Variants in BRWD1 observed in about 807,000 individuals in gnomAD.
BRWD1 encodes the protein bromodomain and WD repeat domain containing 1.
A neutral mutation model predicts 251.2 loss-of-function variants in BRWD1; 82 were observed. The observed-to-expected ratio is 0.33, with a 90% CI of 0.27 to 0.39. BRWD1 has a LOEUF of 0.39. Ranked by LOEUF, BRWD1 falls within the 10% of genes least tolerant of loss-of-function variation. The pLI is 1.00. For synonymous variants in BRWD1, 918 were observed against 902.8 expected (o/e 1.02, Z -0.30); for missense variants, 2,233 against 2,711.6 (o/e 0.82, Z 3.92).
In BRWD1 at chr21:39,215,225, G is replaced by T; in HGVS notation, c.3785+12C>A. ...GCAGTCACTTTTACACAACATCTAT[G>T]AAATTACTTACTTGATAAATTTTAA... On this transcript the variant is annotated intron_variant, in intron 32 of 40. Coordinates refer to ENST00000342449, the MANE Select transcript of BRWD1 (RefSeq NM_033656.4). 1 of 1,608,620 alleles carries T rather than the reference G, an allele frequency of 6.2e-7. No homozygotes were observed. Among genetic ancestry groups the T allele is most frequent in the South Asian group, 1.1e-5 (1 of 90,870 alleles).
At chr21:39,197,655 A>C (rs2031893458) in intron 40 of BRWD1, among the ~76,000 whole-genome samples, 1 of 152,096 alleles carries the variant, frequency 6.6e-6, no homozygotes, top group South Asian at 2.1e-4. Context: ...CACAAACCTT[A>C]CAGTACACCC....
At chr21:39,310,564 T>C (rs1020447006) in intron 4 of BRWD1, among the ~76,000 whole-genome samples, 11 of 152,102 alleles carry the variant, frequency 7.2e-5, no homozygotes, top group African/African-American at 2.2e-4. Flanking sequence ...GAGGCAGAGG[T>C]TGCAGTGAGC....
chr21:39,224,978 A>C, intron 28 of BRWD1, 108 bp downstream of exon 28: 2 of 830,520 alleles, frequency 2.4e-6, no homozygotes, highest in Non-Finnish European at 3.9e-6. Context: ...ACATGACTTA[A>C]TGACAGATAA....
At position 39,187,837 on chromosome 21, in the gene BRWD1, C is replaced by T. The variant is rs2031330773; in HGVS notation, c.*8422G>A. On this transcript the variant is annotated 3_prime_UTR_variant, in exon 41 of 41. Coordinates refer to ENST00000342449, the MANE Select transcript of BRWD1 (RefSeq NM_033656.4). The stretch of plus-strand genomic sequence containing the variant: ...AATAACACAGAGTTGCTTTAAGGAA[C>T]CAAAAAGTGCAGAGTGCTATGAGAA... 1 of 984,828 alleles carries T rather than the reference C, an allele frequency of 1.0e-6. No homozygotes were observed. The highest frequency in any genetic ancestry group is 1.2e-6 in the Non-Finnish European group (1 of 829,740). The allele number at this position is 984,828 out of a possible 1,614,324, so 61.0% of individuals were successfully genotyped here. A position where few individuals can be genotyped will look rare whatever the true frequency, so the allele number is the denominator to read the frequency against.
chr21:39,206,799 T>C (rs1205944337), intron 36 of BRWD1, among the ~76,000 whole-genome samples: 1 of 152,206 alleles, frequency 6.6e-6, no homozygotes, highest in African/African-American at 2.4e-5. Flanking sequence ...CGTTAATGCA[T>C]ATGAAAGATT....
At chr21:39,297,212 T>C in intron 5 of BRWD1, 4 of 985,344 alleles carry the variant, frequency 4.1e-6, no homozygotes, top group Non-Finnish European at 4.8e-6. Flanking sequence ...TCTTCATAAC[T>C]CAAAGAAGAA....
At chr21:39,240,814 A>C (rs1210453204) in intron 21 of BRWD1, among the ~76,000 whole-genome samples, 1 of 152,232 alleles carries the variant, frequency 6.6e-6, no homozygotes, top group African/African-American at 2.4e-5. Flanking sequence ...TTTGTACTAA[A>C]TACAATTTGG....
intron 17 of BRWD1, among the ~76,000 whole-genome samples, chr21:39,264,160 T>G (rs1215880586): frequency 1.3e-5 from 2 of 152,162 alleles, no homozygotes; most frequent in East Asian, 1.9e-4. Context: ...ATTACTAGAA[T>G]AACTGGAAAT....
In BRWD1 at chr21:39,202,559, TG is replaced by T. The variant is rs1308526849; in HGVS notation, c.4365-15del. On this transcript the variant is annotated splice_polypyrimidine_tract_variant and intron_variant, in intron 37 of 40. Coordinates refer to ENST00000342449, the MANE Select transcript of BRWD1 (RefSeq NM_033656.4). ...GGCTTGAGGTTTCTGGCCAAACATA[TG>T]AACAAAGGAAACAGTATTTAACAAA... 1 of 1,580,824 alleles carries T rather than the reference TG, an allele frequency of 6.3e-7. No individual in the cohort carries two copies. The highest frequency in any genetic ancestry group is 8.7e-7 in the Non-Finnish European group (1 of 1,152,494).
intron 36 of BRWD1, among the ~76,000 whole-genome samples, chr21:39,208,208 T>C (rs544159026): frequency 6.6e-6 from 1 of 152,310 alleles, no homozygotes; most frequent in East Asian, 1.9e-4. Flanking sequence ...TGGTGAACTG[T>C]ATGGTATGTG....
chr21:39,249,950 G>A (rs1601384165), intron 20 of BRWD1, among the ~76,000 whole-genome samples: 1 of 135,524 alleles, frequency 7.4e-6, no homozygotes, highest in African/African-American at 2.6e-5. Flanking sequence ...GTGTGTGTGT[G>A]TGTGTGTATA....
intron 36 of BRWD1, chr21:39,209,699 A>C (rs1219124853): frequency 4.2e-5 from 9 of 213,412 alleles, no homozygotes; most frequent in African/African-American, 2.1e-4. Flanking sequence ...AGAGACTCTT[A>C]CTCTGTGTAT....
intron 27 of BRWD1, among the ~76,000 whole-genome samples, chr21:39,226,991 G>A (rs1283582456): frequency 6.6e-6 from 1 of 151,998 alleles, no homozygotes; most frequent in Non-Finnish European, 1.5e-5. Context: ...TGCACATGGT[G>A]CAGCTTCCAG....
chr21:39,260,958 C>T (rs528251616), intron 17 of BRWD1, among the ~76,000 whole-genome samples: 2 of 152,294 alleles, frequency 1.3e-5, no homozygotes, highest in South Asian at 2.1e-4. Context: ...TGGTGGCTCA[C>T]GCCTGTCTGT....
chr21:39,312,777 G>T, intron 4 of BRWD1, 64 bp downstream of exon 4: 1 of 1,405,608 alleles, frequency 7.1e-7, no homozygotes, highest in Non-Finnish European at 9.8e-7. Flanking sequence ...CCCCGCGAGG[G>T]GAAGGGGCGG....
chr21:39,189,821 G>A lies in BRWD1; in HGVS notation c.*6438C>T. Reference sequence around the variant, plus strand: ...TCAGGGTTAGAAGTCAAATTTGTGTGTTAGGGTACAAGCTTAAGAACTCTG... The same window carrying A: ...TCAGGGTTAGAAGTCAAATTTGTGTATTAGGGTACAAGCTTAAGAACTCTG... On this transcript the variant is annotated 3_prime_UTR_variant, in exon 41 of 41. Coordinates refer to ENST00000342449, the MANE Select transcript of BRWD1 (RefSeq NM_033656.4). The A allele has an allele frequency of 1.0e-6, 1 of 985,338 alleles. No homozygotes were observed. The highest frequency in any genetic ancestry group is 1.1e-4 in the East Asian group (1 of 8,810). The allele number at this position is 985,338 out of a possible 1,614,324, so 61.0% of individuals were successfully genotyped here.
chr21:39,209,960 G>C, intron 36 of BRWD1, 35 bp downstream of exon 36: 12 of 1,597,654 alleles, frequency 7.5e-6, no homozygotes, highest in Non-Finnish European at 9.4e-6. Context: ...ACACAGATCA[G>C]GCAGTTTTTT....
chr21:39,277,383 A>G (rs774912873), intron 10 of BRWD1, 32 bp from the exon 11 acceptor site: 2 of 1,363,376 alleles, frequency 1.5e-6, no homozygotes, highest in Non-Finnish European at 1.0e-6. Context: ...TTAAACATCC[A>G]GTTTATAACA....
chr21:39,291,555 C>G (rs958468614), intron 8 of BRWD1, among the ~76,000 whole-genome samples: 26 of 152,236 alleles, frequency 1.7e-4, no homozygotes, highest in African/African-American at 6.3e-4. Context: ...GGCCTATACT[C>G]GCTGACCAGA....
Sources: gnomAD v4.1 joint callset for allele counts (sites outside exome capture counted in the v4.1 genomes callset) on GRCh38, gnomAD v4.1.1 for gene constraint, MANE v1.5 for transcripts, NCBI Gene and HGNC (gene_info 2026-07-23, HGNC 2026-07-21) for gene names.